Variants in CDK17 observed in about 807,000 individuals in gnomAD.
CDK17 encodes cyclin dependent kinase 17.
CDK17 carries 24 observed loss-of-function variants against 77.6 expected under a neutral mutation model. The observed-to-expected ratio is 0.31, with a 90% confidence interval of 0.22 to 0.44. CDK17 has a LOEUF of 0.44. Among genes scored for constraint, CDK17 ranks in the 20% least tolerant of loss-of-function variants. CDK17 has a pLI of 1.00. For missense variants in CDK17, 429 were observed against 622.5 expected (o/e 0.69, Z 3.31); for synonymous variants, 203 against 210.4 (o/e 0.96, Z 0.30).
intron 1 of CDK17, among the ~76,000 whole-genome samples, chr12:96,351,112 G>C (rs1006979987): frequency 6.6e-6 from 1 of 152,128 alleles, no homozygotes; most frequent in Non-Finnish European, 1.5e-5. Context: ...TTGGAGAAAT[G>C]CAAACCAAAA....
intron 1 of CDK17, among the ~76,000 whole-genome samples, chr12:96,337,174 C>T (rs1417728718): frequency 6.6e-6 from 1 of 152,050 alleles, no homozygotes; most frequent in East Asian, 1.9e-4. Flanking sequence ...GATAGGTAGG[C>T]CTCTGATTTG....
At chr12:96,348,023 A>G (rs933641626) in intron 1 of CDK17, among the ~76,000 whole-genome samples, 1 of 152,166 alleles carries the variant, frequency 6.6e-6, no homozygotes, top group African/African-American at 2.4e-5. Flanking sequence ...CACAACATAC[A>G]TAAGCATATG....
intron 1 of CDK17, among the ~76,000 whole-genome samples, chr12:96,389,729 C>T (rs933694159): frequency 2.0e-5 from 3 of 152,026 alleles, no homozygotes; most frequent in Non-Finnish European, 4.4e-5. Context: ...TGTCACACTT[C>T]AAACAAGACG....
chr12:96,285,173 G>A (rs1952230921), intron 13 of CDK17, among the ~76,000 whole-genome samples: 1 of 152,130 alleles, frequency 6.6e-6, no homozygotes, highest in Non-Finnish European at 1.5e-5. Context: ...TGCTACTTGG[G>A]AGAGACATGC....
At chr12:96,382,597 C>A (rs1397771281) in intron 1 of CDK17, among the ~76,000 whole-genome samples, 1 of 151,992 alleles carries the variant, frequency 6.6e-6, no homozygotes, top group East Asian at 1.9e-4. Context: ...TGAACATAGA[C>A]ACAAAAATCC....
At chr12:96,383,404 G>GAAAAA (rs57708359) in intron 1 of CDK17, among the ~76,000 whole-genome samples, 55 of 137,164 alleles carry the variant, frequency 4.0e-4, no homozygotes, top group African/African-American at 8.7e-4. Context: ...AAAATTAGAA[G>GAAAAA]AAAAAAAAAA....
At chr12:96,370,302 G>A (rs990475583) in intron 1 of CDK17, among the ~76,000 whole-genome samples, 1 of 152,188 alleles carries the variant, frequency 6.6e-6, no homozygotes, top group African/African-American at 2.4e-5. Context: ...TTTTACAAAA[G>A]AGGAAACATT....
chr12:96,353,434 AC>A (rs1166602551), intron 1 of CDK17, among the ~76,000 whole-genome samples: 1 of 152,174 alleles, frequency 6.6e-6, no homozygotes. Flanking sequence ...TAAAATTAAT[AC>A]ATTTTACTTC....
intron 5 of CDK17, among the ~76,000 whole-genome samples, chr12:96,305,833 C>T (rs1039180859): frequency 5.9e-5 from 9 of 152,238 alleles, no homozygotes; most frequent in African/African-American, 2.2e-4. Context: ...ATCTTCTCAC[C>T]TCCTACCTAC....
chr12:96,288,110 T>C (rs1565804039), intron 11 of CDK17, among the ~76,000 whole-genome samples: 1 of 152,172 alleles, frequency 6.6e-6, no homozygotes, highest in Non-Finnish European at 1.5e-5. Context: ...TAGATAGTGG[T>C]GATGGTTGCA....
chr12:96,376,987 C>G (rs549578648), intron 1 of CDK17, among the ~76,000 whole-genome samples: 8 of 152,118 alleles, frequency 5.3e-5, no homozygotes, highest in Non-Finnish European at 1.0e-4. Flanking sequence ...TAATCATGAT[C>G]AGTAATCAGA....
intron 2 of CDK17, among the ~76,000 whole-genome samples, chr12:96,326,991 G>T (rs1952899531): frequency 6.6e-6 from 1 of 152,220 alleles, no homozygotes; most frequent in South Asian, 2.1e-4. Flanking sequence ...AAGGGTTAAA[G>T]ATAGTAGGAG....
chr12:96,340,812 T>C (rs1202961945), intron 1 of CDK17, among the ~76,000 whole-genome samples: 1 of 152,222 alleles, frequency 6.6e-6, no homozygotes, highest in African/African-American at 2.4e-5. Context: ...ATAAAAATTT[T>C]TGAGATTATG....
intron 3 of CDK17, among the ~76,000 whole-genome samples, chr12:96,323,574 A>T (rs764005744): frequency 7.2e-5 from 11 of 152,248 alleles, no homozygotes; most frequent in Non-Finnish European, 1.5e-4. Flanking sequence ...ATGACAGAAG[A>T]AGAAACAATT....
At chr12:96,367,700 A>G (rs1953610326) in intron 1 of CDK17, among the ~76,000 whole-genome samples, 2 of 152,074 alleles carry the variant, frequency 1.3e-5, no homozygotes. Context: ...TGAAATCTCT[A>G]GAAAATAAAC....
chr12:96,308,231 A>T (rs1279974734), intron 5 of CDK17, among the ~76,000 whole-genome samples: 2 of 123,532 alleles, frequency 1.6e-5, no homozygotes, highest in South Asian at 6.0e-4. Context: ...GCCATCTCTA[A>T]AAAAAAAAAA....
Position 96,278,879 on chromosome 12 carries a change from C to T in CDK17, c.*1363G>A, listed in dbSNP as rs1952137790. On this transcript the variant is annotated 3_prime_UTR_variant, in exon 17 of 17. Transcript: ENST00000261211. Reference sequence around the variant, plus strand: ...TTAAAATGAAATATACAAAAATCCACTTAATACTGTTAAATAACAACAATA... The same window carrying T: ...TTAAAATGAAATATACAAAAATCCATTTAATACTGTTAAATAACAACAATA... 1 of 152,516 alleles carries T rather than the reference C, an allele frequency of 6.6e-6. No homozygotes were observed. Among genetic ancestry groups the T allele is most frequent in the Non-Finnish European group, 1.5e-5 (1 of 67,960 alleles). 9.4% of individuals were successfully genotyped at this position (152,516 alleles called of 1,614,324 possible). A position where few individuals can be genotyped will look rare whatever the true frequency, so the allele number is the denominator to read the frequency against.
chr12:96,297,474 A>C, intron 8 of CDK17, 142 bp from the exon 9 acceptor site: 1 of 734,190 alleles, frequency 1.4e-6, no homozygotes, highest in Non-Finnish European at 2.3e-6. Flanking sequence ...TGAAAAACTG[A>C]TAACTAAATA....
At position 96,380,185 on chromosome 12, in the gene CDK17, C is replaced by CA. The variant is rs375097170; in HGVS notation, c.-30+19800dup. ...CTCTGTCCCCCGACCAAAAAAAAAACAAAAAAAAAACCCAAAAAAGAAAAA... is the reference window on the plus strand; with the variant it reads ...CTCTGTCCCCCGACCAAAAAAAAAACAAAAAAAAAAACCCAAAAAAGAAAAA... On this transcript the variant is annotated intron_variant, in intron 1 of 16. Coordinates refer to ENST00000261211, the MANE Select transcript of CDK17 (RefSeq NM_002595.5). Among the ~76,000 whole-genome samples, 659 of 133,582 alleles carry CA rather than the reference C, an allele frequency of 4.9e-3. 2 individuals are homozygous for CA. Among genetic ancestry groups the CA allele is most frequent in the Middle Eastern group, 0.022 (6 of 276 alleles). The allele number at this position is 133,582 out of a possible 152,430, so 87.6% of individuals were successfully genotyped here.
Sources: gnomAD v4.1 joint callset for allele counts (sites outside exome capture counted in the v4.1 genomes callset) on GRCh38, gnomAD v4.1.1 for gene constraint, MANE v1.5 for transcripts, NCBI Gene and HGNC (gene_info 2026-07-23, HGNC 2026-07-21) for gene names.